Variants in USP53 observed in about 807,000 individuals in gnomAD.
The protein encoded by USP53 is ubiquitin specific peptidase 53.
In USP53, 71 loss-of-function variants were observed where a neutral mutation model predicts 94.9. The ratio of observed to expected loss-of-function variants is 0.75; its 90% confidence interval spans 0.62 to 0.91. USP53 has a LOEUF of 0.91. USP53 is among the 40% of genes least tolerant of loss of function. USP53 has a pLI of 0.00. For missense variants in USP53, 1,173 were observed against 1,281.0 expected (o/e 0.92, Z 1.29); for synonymous variants, 375 against 422.7 (o/e 0.89, Z 1.39).
chr4:119,244,957 A>G (rs1748026407), intron 5 of USP53, among the ~76,000 whole-genome samples: 1 of 152,066 alleles, frequency 6.6e-6, no homozygotes, highest in South Asian at 2.1e-4. Flanking sequence ...TTTCCTTTCA[A>G]AATTTCAGTT....
In USP53 at chr4:119,293,911, A is replaced by G. The variant is rs1349601211; in HGVS notation, c.*700A>G. The G allele has an allele frequency of 6.6e-6, 1 of 152,152 alleles. No homozygotes were observed. Among genetic ancestry groups the G allele is most frequent in the Non-Finnish European group, 1.5e-5 (1 of 67,976 alleles). 9.4% of individuals were successfully genotyped at this position (152,152 alleles called of 1,614,324 possible). A position where few individuals can be genotyped will look rare whatever the true frequency, so the allele number is the denominator to read the frequency against. ...ACAATTTGTAAGTTTTCAAGATCGGATGGAATTTAATTTTGCTCCTAGAAT... is the reference window on the plus strand; with the variant it reads ...ACAATTTGTAAGTTTTCAAGATCGGGTGGAATTTAATTTTGCTCCTAGAAT... On this transcript the variant is annotated 3_prime_UTR_variant, in exon 19 of 19. Coordinates refer to ENST00000692078, the MANE Select transcript of USP53 (RefSeq NM_001371395.1).
At chr4:119,222,718 A>C (rs562347278) in intron 3 of USP53, among the ~76,000 whole-genome samples, 88 of 152,264 alleles carry the variant, frequency 5.8e-4, no homozygotes, top group Non-Finnish European at 7.9e-4. Context: ...TAAGACACTT[A>C]GGGTGATTCC....
At position 119,292,854 on chromosome 4, in the gene USP53, C is replaced by T; in HGVS notation, c.2865C>T (p.Thr955=). 1.2e-6 allele frequency: 2 copies of T among 1,614,090 alleles called. No homozygotes were observed. Among genetic ancestry groups the T allele is most frequent in the East Asian group, 2.2e-5 (1 of 44,874 alleles). The change falls in exon 19 of 19, where the codon ACC becomes ACT. Residue 955 remains threonine, a synonymous_variant. Transcript: ENST00000692078. ...AACTTACAGAGGTGTTTAAAGCTAC[C>T]TCTCATCTTCCGAAGCACAGTTTAA... ...DVKLTEVFKA[T]SHLPKHSLST...
At chr4:119,265,525 G>C (rs1751008863) in intron 12 of USP53, among the ~76,000 whole-genome samples, 1 of 152,134 alleles carries the variant, frequency 6.6e-6, no homozygotes, top group Non-Finnish European at 1.5e-5. Flanking sequence ...ACCAAAATTA[G>C]CCAGGTGTGG....
At position 119,256,501 on chromosome 4, in the gene USP53, T is replaced by G; in HGVS notation, c.547T>G (p.Tyr183Asp). The change falls in exon 9 of 19, where the codon TAC becomes GAC. Residue 183 changes from tyrosine to aspartate, a missense_variant. By Grantham distance (160) the Tyr-to-Asp change is radical (BLOSUM62 -3). Coordinates refer to ENST00000692078, the MANE Select transcript of USP53 (RefSeq NM_001371395.1). ...TCTACCTTTTACAGAATTTGTGCGG[T>G]ACATTTCTACAACAGCCTTATGGTA... ...DPLPFTEFVR[Y>D]ISTTALCNEV... 1.2e-6 allele frequency: 2 copies of G among 1,614,134 alleles called. No individual in the cohort carries two copies. The highest frequency in any genetic ancestry group is 1.7e-6 in the Non-Finnish European group (2 of 1,179,994).
Position 119,261,828 on chromosome 4 carries a change from C to A in USP53, c.936C>A (p.Ser312=). ...YCAFAFHTKS[S]KWVFFDDANV... is the part of the protein sequence containing the mutation. Reference sequence around the variant, plus strand: ...CCTTTGCATTTCACACCAAAAGTTCCAAATGGGTATTTTTTGATGATGCAA... The same window carrying A: ...CCTTTGCATTTCACACCAAAAGTTCAAAATGGGTATTTTTTGATGATGCAA... Residue 312 remains serine, a synonymous_variant, in exon 12 of 19, where the codon TCC becomes TCA. Coordinates refer to ENST00000692078, the MANE Select transcript of USP53 (RefSeq NM_001371395.1). 1 of 1,500,502 alleles carries A rather than the reference C, an allele frequency of 6.7e-7. No homozygotes were observed. The highest frequency in any genetic ancestry group is 2.4e-5 in the East Asian group (1 of 42,540). The allele number at this position is 1,500,502 out of a possible 1,614,324, so 92.9% of individuals were successfully genotyped here. A position where few individuals can be genotyped will look rare whatever the true frequency, so the allele number is the denominator to read the frequency against.
At chr4:119,243,233 T>G (rs902390613) in intron 5 of USP53, among the ~76,000 whole-genome samples, 7 of 152,146 alleles carry the variant, frequency 4.6e-5, no homozygotes, top group African/African-American at 1.7e-4. Context: ...AACAGTGGCT[T>G]ACACCTGTAA....
chr4:119,248,929 T>C (rs2149350532), intron 7 of USP53, 47 bp downstream of exon 7: 2 of 1,607,178 alleles, frequency 1.2e-6, no homozygotes, highest in Non-Finnish European at 1.7e-6. Flanking sequence ...GTAGTTTTCA[T>C]TCCTTAGATG....
intron 17 of USP53, among the ~76,000 whole-genome samples, chr4:119,288,508 C>T (rs1754358398): frequency 6.6e-6 from 1 of 152,194 alleles, no homozygotes; most frequent in Non-Finnish European, 1.5e-5. Flanking sequence ...TTCTTTAATG[C>T]AGTGTGAAAT....
At chr4:119,260,167 A>T (rs1750312141) in intron 10 of USP53, among the ~76,000 whole-genome samples, 1 of 152,174 alleles carries the variant, frequency 6.6e-6, no homozygotes, top group Admixed American at 6.5e-5. Flanking sequence ...TTATCATTTG[A>T]TTACAGAGAA....
At chr4:119,224,680 C>A (rs1745011202) in intron 3 of USP53, among the ~76,000 whole-genome samples, 1 of 152,176 alleles carries the variant, frequency 6.6e-6, no homozygotes, top group African/African-American at 2.4e-5. Flanking sequence ...CCTTGAATCT[C>A]TGGCTGGGAA....
At chr4:119,227,299 A>ACACACACACACACACACACACACACAC (rs1491380548) in intron 3 of USP53, among the ~76,000 whole-genome samples, 83 of 145,768 alleles carry the variant, frequency 5.7e-4, no homozygotes, top group Non-Finnish European at 6.7e-4. Flanking sequence ...ACACACACAC[A>ACACACACACACACACACACACACACAC]AACTTGAAAT....
At chr4:119,243,626 C>T (rs1438858567) in intron 5 of USP53, among the ~76,000 whole-genome samples, 4 of 152,250 alleles carry the variant, frequency 2.6e-5, no homozygotes, top group African/African-American at 4.8e-5. Context: ...GTACAGGGAA[C>T]TTGAAATAAA....
chr4:119,256,749 T>G (rs1394080522), intron 9 of USP53, among the ~76,000 whole-genome samples: 1 of 152,164 alleles, frequency 6.6e-6, no homozygotes, highest in Non-Finnish European at 1.5e-5. Flanking sequence ...CTAGTTAAAT[T>G]TTATATCTAT....
chr4:119,238,554 A>G (rs1480317501), intron 4 of USP53, among the ~76,000 whole-genome samples: 9 of 152,248 alleles, frequency 5.9e-5, no homozygotes, highest in Admixed American at 4.6e-4. Flanking sequence ...GAAGTGTGAC[A>G]TAGACATGAA....
chr4:119,272,637 G>C (rs1257073450), intron 16 of USP53: 1 of 152,398 alleles, frequency 6.6e-6, no homozygotes, highest in Non-Finnish European at 1.5e-5. Context: ...CCCAACCTCA[G>C]GTGATCCACC....
intron 11 of USP53, 45 bp from the exon 12 acceptor site, chr4:119,261,670 C>T: frequency 7.0e-7 from 1 of 1,434,500 alleles, no homozygotes; most frequent in Non-Finnish European, 9.5e-7. Flanking sequence ...CCTCATTTTA[C>T]AAAAGATGTA....
chr4:119,252,465 G>T lies in USP53; in HGVS notation c.372+3583G>T, dbSNP rs540833456. On this transcript the variant is annotated intron_variant, in intron 7 of 18. Coordinates refer to ENST00000692078, the MANE Select transcript of USP53 (RefSeq NM_001371395.1). ...CTTCTTTCTGGTTTAGTCTTGGGAGGGTGTATGTGTCCAGAAATTTATCCA... is the reference window on the plus strand; with the variant it reads ...CTTCTTTCTGGTTTAGTCTTGGGAGTGTGTATGTGTCCAGAAATTTATCCA... 5.3e-5 allele frequency among the ~76,000 whole-genome samples: 8 copies of T among 152,122 alleles called. No homozygotes were observed. In the South Asian group the frequency reaches 1.7e-3, roughly 32 times the overall value.
chr4:119,248,914 G>A, intron 7 of USP53, 32 bp downstream of exon 7: 1 of 1,610,684 alleles, frequency 6.2e-7, no homozygotes. Context: ...TAAGAAGTCA[G>A]GATAGTAGTT....
Sources: allele counts gnomAD v4.1 joint callset (sites outside exome capture counted in the v4.1 genomes callset), GRCh38; gene constraint gnomAD v4.1.1; transcripts MANE v1.5; gene names NCBI Gene and HGNC (gene_info 2026-07-23, HGNC 2026-07-21).